LVRN: variants seen among roughly 807,000 people sequenced by gnomAD.
LVRN encodes the protein laeverin, also known as aminopeptidase Q.
In LVRN, 99 loss-of-function variants were observed where a neutral mutation model predicts 111.4. That is an observed-to-expected ratio of 0.89 (90% CI 0.76 to 1.05). The LOEUF (loss-of-function observed/expected upper bound fraction) is 1.05. Ranked by LOEUF, LVRN falls within the 50% of genes least tolerant of loss-of-function variation. The pLI is 0.00. For synonymous variants in LVRN, 488 were observed against 449.5 expected (o/e 1.09, Z -1.08); for missense variants, 1,414 against 1,206.8 (o/e 1.17, Z -2.54).
At chr5:116,012,588 T>TCTCAA in intron 15 of LVRN, 120 bp downstream of exon 15, 3 of 627,706 alleles carry the variant, frequency 4.8e-6, no homozygotes, top group South Asian at 2.2e-5. Context: ...ATGCTATTAT[T>TCTCAA]ATTTGAGAAC....
At chr5:115,983,511 C>G (rs1747767864) in intron 2 of LVRN, 82 bp downstream of exon 2, 3 of 1,442,542 alleles carry the variant, frequency 2.1e-6, no homozygotes, top group Non-Finnish European at 2.8e-6. Flanking sequence ...CTTTTCTAGG[C>G]AGTGTATTAT....
intron 1 of LVRN, among the ~76,000 whole-genome samples, chr5:115,969,413 C>G (rs187126329): frequency 3.0e-4 from 45 of 151,884 alleles, no homozygotes; most frequent in African/African-American, 1.1e-3. Context: ...TTGGATAGTT[C>G]CCATTGTTTT....
At chr5:115,980,752 GCT>G (rs1753544748) in intron 1 of LVRN, among the ~76,000 whole-genome samples, 1 of 151,888 alleles carries the variant, frequency 6.6e-6, no homozygotes, top group South Asian at 2.1e-4. Flanking sequence ...GCATTTGTTG[GCT>G]TTTAAAAAAT....
At chr5:115,969,786 C>T (rs1370794063) in intron 1 of LVRN, among the ~76,000 whole-genome samples, 3 of 124,238 alleles carry the variant, frequency 2.4e-5, no homozygotes, top group Non-Finnish European at 4.8e-5. Context: ...GGCAACAGAG[C>T]GAGACTCGAT....
intron 1 of LVRN, among the ~76,000 whole-genome samples, chr5:115,982,033 G>T (rs1385428335): frequency 1.3e-5 from 2 of 152,182 alleles, no homozygotes; most frequent in Non-Finnish European, 2.9e-5. Flanking sequence ...GTGGAGTAGG[G>T]TCTTACAGAG....
At chr5:116,006,083 G>GT in intron 13 of LVRN, 116 bp downstream of exon 13, 1 of 759,714 alleles carries the variant, frequency 1.3e-6, no homozygotes, top group South Asian at 2.1e-5. Flanking sequence ...AACTGATTAA[G>GT]ATTAGGATGA....
intron 18 of LVRN, chr5:116,021,340 C>G (rs1447279029): frequency 6.6e-6 from 1 of 152,304 alleles, no homozygotes; most frequent in Non-Finnish European, 1.5e-5. Flanking sequence ...TTCTTTGGAA[C>G]TCAAATTTCT....
Position 116,005,981 on chromosome 5 carries a change from C to A in LVRN, c.2093+14C>A. 1.9e-6 allele frequency: 3 copies of A among 1,577,436 alleles called. No individual in the cohort carries two copies. The highest frequency in any genetic ancestry group is 2.6e-6 in the Non-Finnish European group (3 of 1,147,708). ...TTCCTTGTCTAAGTGAGTATATTTT[C>A]TTCTCTCATGGTTTCAGAATATACC... On this transcript the variant is annotated intron_variant, in intron 13 of 19. Coordinates refer to ENST00000357872, the MANE Select transcript of LVRN (RefSeq NM_173800.5).
chr5:116,012,568 G>C, intron 15 of LVRN, 100 bp downstream of exon 15: 1 of 719,774 alleles, frequency 1.4e-6, no homozygotes, highest in Admixed American at 3.0e-5. Context: ...TATTCATTGA[G>C]AGATTTTATA....
intron 1 of LVRN, among the ~76,000 whole-genome samples, chr5:115,972,558 A>G (rs1753350131): frequency 6.6e-6 from 1 of 151,918 alleles, no homozygotes; most frequent in African/African-American, 2.4e-5. Flanking sequence ...TTTTACTTCT[A>G]CTTTAGTTTC....
chr5:116,008,945 T>C (rs997417094), intron 13 of LVRN, among the ~76,000 whole-genome samples: 7 of 152,144 alleles, frequency 4.6e-5, no homozygotes, highest in Non-Finnish European at 1.0e-4. Flanking sequence ...AAACAACAGG[T>C]TTTTCCATAT....
intron 1 of LVRN, among the ~76,000 whole-genome samples, chr5:115,966,415 G>A (rs1753203985): frequency 6.6e-6 from 1 of 152,202 alleles, no homozygotes; most frequent in Non-Finnish European, 1.5e-5. Context: ...TCCATGGTAT[G>A]GATGTATGAA....
chr5:116,012,153 A>G (rs1355221678), intron 14 of LVRN, among the ~76,000 whole-genome samples: 5 of 152,188 alleles, frequency 3.3e-5, no homozygotes, highest in African/African-American at 1.2e-4. Flanking sequence ...ATACACTGTA[A>G]CATTGGTATT....
intron 18 of LVRN, among the ~76,000 whole-genome samples, chr5:116,018,621 G>A (rs1005139973): frequency 3.3e-5 from 5 of 151,322 alleles, no homozygotes; most frequent in Admixed American, 3.3e-4. Flanking sequence ...GCAGTGAGCC[G>A]AGATCACACC....
chr5:115,974,720 C>A (rs1363541207), intron 1 of LVRN: 1 of 198,358 alleles, frequency 5.0e-6, no homozygotes, highest in Non-Finnish European at 1.0e-5. Flanking sequence ...TTCCTGTGCA[C>A]CCTATTCAGT....
At chr5:115,997,475 G>C (rs776984053) in intron 6 of LVRN, among the ~76,000 whole-genome samples, 84 of 152,212 alleles carry the variant, frequency 5.5e-4, no homozygotes, top group Non-Finnish European at 1.0e-3. Context: ...ACCAGCCTGG[G>C]CAACATAGTG....
At chr5:115,983,261 A>C (rs1747756200) in intron 1 of LVRN, 26 bp from the exon 2 acceptor site, 1 of 1,513,246 alleles carries the variant, frequency 6.6e-7, no homozygotes, top group Non-Finnish European at 8.8e-7. Context: ...AAAAATAAAT[A>C]AAAATTTCCC....
At position 115,983,387 on chromosome 5, in the gene LVRN, C is replaced by T. The variant is rs1327469902; in HGVS notation, c.796C>T (p.His266Tyr). The change falls in exon 2 of 20, where the codon CAT (histidine) becomes TAT (tyrosine). Residue 266 changes from histidine to tyrosine, a missense_variant. Transcript: ENST00000357872. ...LKATFNITMI[H>Y]HPSYVALSNM... is the part of the protein sequence containing the mutation. Reference sequence around the variant, plus strand: ...GGCAACTTTTAATATTACAATGATTCATCATCCAAGTTATGTGGCCCTTTC... The same window carrying T: ...GGCAACTTTTAATATTACAATGATTTATCATCCAAGTTATGTGGCCCTTTC... 11 of 1,610,414 alleles carry T rather than the reference C, an allele frequency of 6.8e-6. No homozygotes were observed. The Admixed American group carries it at 1.7e-4, about 25-fold the overall frequency.
At chr5:115,993,558 A>G (rs1748041786) in intron 5 of LVRN, among the ~76,000 whole-genome samples, 183 bp from the exon 6 acceptor site, 1 of 152,172 alleles carries the variant, frequency 6.6e-6, no homozygotes, top group Admixed American at 6.5e-5. Context: ...TGCATGACTA[A>G]TATCTATTTA....
Sources: gnomAD v4.1 joint callset for allele counts (sites outside exome capture counted in the v4.1 genomes callset) on GRCh38, gnomAD v4.1.1 for gene constraint, MANE v1.5 for transcripts, NCBI Gene and HGNC (gene_info 2026-07-23, HGNC 2026-07-21) for gene names.